Variants in SMG6 observed in about 807,000 individuals in gnomAD.
The protein encoded by SMG6 is telomerase-binding protein EST1A.
SMG6 carries 66 observed loss-of-function variants against 142.2 expected under a neutral mutation model. That is an observed-to-expected ratio of 0.46 (90% CI 0.38 to 0.57). SMG6 has a LOEUF of 0.57. Among genes scored for constraint, SMG6 ranks in the 20% least tolerant of loss-of-function variants. SMG6 has a pLI of 0.00. For synonymous variants in SMG6, 779 were observed against 702.4 expected, an observed-to-expected ratio of 1.11 and a Z score of -1.72; for missense variants, 1,793 against 1,832.0, an observed-to-expected ratio of 0.98 and a Z score of 0.39.
chr17:2,282,634 C>T lies in SMG6; in HGVS notation c.2661+13G>A. 1 of 1,613,236 alleles carries T rather than the reference C, an allele frequency of 6.2e-7. No homozygotes were observed. The highest frequency in any genetic ancestry group is 1.8e-4 in the Middle Eastern group (1 of 5,594). ...AGCTAGTTTGGCTCATTGCATCATT[C>T]TCAGGAACTTACATCACTGGGACTC... On this transcript the variant is annotated intron_variant, in intron 8 of 18. Coordinates refer to ENST00000263073, the MANE Select transcript of SMG6 (RefSeq NM_017575.5).
At position 2,291,486 on chromosome 17, in the gene SMG6, G is replaced by A. The variant is rs148154294; in HGVS notation, c.2337+1066C>T. On this transcript the variant is annotated intron_variant, in intron 6 of 18. Transcript: ENST00000263073. ...GAAAAAATAGTGCTGCAAAGAGGGC[G>A]GGAAAAAAAATCCCATAAACCCATC... is the stretch of plus-strand genomic sequence containing the variant. Among the ~76,000 whole-genome samples, 711 of 152,046 alleles carry A rather than the reference G, an allele frequency of 4.7e-3. 7 individuals carry two copies. Among genetic ancestry groups the A allele is most frequent in the African/African-American group, 0.016 (671 of 41,482 alleles).
In SMG6 at chr17:2,087,558, C is replaced by A. The variant is rs1183142832; in HGVS notation, c.3358-1657G>T. ...GTTGATGTAGAAGGTTCTCGGCTAC[C>A]CAGAAGGGCTTAGAAAAAGTTCAGC... On this transcript the variant is annotated intron_variant, in intron 13 of 18. Coordinates refer to ENST00000263073, the MANE Select transcript of SMG6 (RefSeq NM_017575.5). 3.0e-6 allele frequency: 3 copies of A among 1,010,152 alleles called. No individual in the cohort carries two copies. The African/African-American group carries it at 5.2e-5, about 17-fold the overall frequency. 62.6% of individuals were successfully genotyped at this position (1,010,152 alleles called of 1,614,324 possible). A position where few individuals can be genotyped will look rare whatever the true frequency, so the allele number is the denominator to read the frequency against.
intron 8 of SMG6, among the ~76,000 whole-genome samples, chr17:2,260,686 AT>A (rs1309883058): frequency 2.0e-5 from 3 of 152,144 alleles, no homozygotes; most frequent in African/African-American, 7.2e-5. Flanking sequence ...ATAGAAAAAA[AT>A]TTGAGTTTAG....
chr17:2,284,469 T>C lies in SMG6; in HGVS notation c.2338-734A>G, dbSNP rs150529764. ...AAAGAAGAAGTAAAGAAAAAGGAAG[T>C]GGGTCAGAAAGAAGGAAAAAGGAAA... is the stretch of plus-strand genomic sequence containing the variant. On this transcript the variant is annotated intron_variant, in intron 6 of 18. Transcript: ENST00000263073. Among the ~76,000 whole-genome samples, 1,456 of 152,302 alleles carry C rather than the reference T, an allele frequency of 9.6e-3. 20 individuals are homozygous for C. Among genetic ancestry groups the C allele is most frequent in the African/African-American group, 0.032 (1,350 of 41,566 alleles).
chr17:2,194,712 C>CA (rs768893563), intron 10 of SMG6, among the ~76,000 whole-genome samples: 2,863 of 139,374 alleles, frequency 0.021, 114 homozygotes, highest in African/African-American at 0.069. Flanking sequence ...CAAAACAAAA[C>CA]AAAAAAAAAA....
intron 12 of SMG6, among the ~76,000 whole-genome samples, chr17:2,185,499 AAAAAAG>A (rs941170260): frequency 7.2e-5 from 11 of 152,166 alleles, no homozygotes; most frequent in Non-Finnish European, 1.2e-4. Flanking sequence ...CCACAATTAA[AAAAAAG>A]AAAAAGAAAA....
At chr17:2,233,293 A>G (rs1212516089) in intron 10 of SMG6, 1 of 152,306 alleles carries the variant, frequency 6.6e-6, no homozygotes, top group Middle Eastern at 3.2e-3. Flanking sequence ...GAGTCCGGAA[A>G]CTGACATATG....
intron 13 of SMG6, among the ~76,000 whole-genome samples, chr17:2,102,730 G>T (rs2069045129): frequency 1.3e-5 from 2 of 151,900 alleles, no homozygotes; most frequent in Admixed American, 6.6e-5. Context: ...CTGTTCAACA[G>T]ATCTCAGAAA....
chr17:2,252,773 C>CTCCA (rs1364452733), intron 8 of SMG6, among the ~76,000 whole-genome samples: 3 of 152,174 alleles, frequency 2.0e-5, no homozygotes, highest in African/African-American at 7.2e-5. Flanking sequence ...TTTTAAAGGT[C>CTCCA]TCCAGGTCAC....
chr17:2,270,033 C>T (rs539695081), intron 8 of SMG6, among the ~76,000 whole-genome samples: 13 of 151,524 alleles, frequency 8.6e-5, no homozygotes, highest in Non-Finnish European at 1.6e-4. Flanking sequence ...TGTCTCAAAA[C>T]GAAAAAAACA....
chr17:2,217,111 C>T (rs1016928859), intron 10 of SMG6, among the ~76,000 whole-genome samples: 1 of 152,078 alleles, frequency 6.6e-6, no homozygotes, highest in African/African-American at 2.4e-5. Context: ...GACGTAGAAA[C>T]AGGTTTGGAA....
chr17:2,301,715 G>A (rs1357510407), intron 1 of SMG6, among the ~76,000 whole-genome samples: 1 of 152,118 alleles, frequency 6.6e-6, no homozygotes, highest in Middle Eastern at 3.2e-3. Context: ...GGTGGTGGGC[G>A]CCTGTAGTCC....
At chr17:2,065,356 G>A (rs2067910887) in intron 17 of SMG6, 112 bp downstream of exon 17, 1 of 1,135,834 alleles carries the variant, frequency 8.8e-7, no homozygotes, top group East Asian at 2.5e-5. Context: ...GGGCCTCCAT[G>A]GTGGCTGGCC....
At chr17:2,069,648 G>A (rs1372591563) in intron 15 of SMG6, among the ~76,000 whole-genome samples, 1 of 152,122 alleles carries the variant, frequency 6.6e-6, no homozygotes, top group East Asian at 1.9e-4. Context: ...GAACTCAAAG[G>A]CTATACAAAA....
In SMG6 at chr17:2,081,931, A is replaced by G. The variant is rs746235083; in HGVS notation, c.3560T>C (p.Phe1187Ser). Reference protein sequence around the residue: ...DEEEDVVIEDFEEDSEAEGSG... With the variant: ...DEEEDVVIEDSEEDSEAEGSG... ...GCCTTCAGCCTCTGAATCTTCCTCAAAGTCTTCAATCACCACATCCTCCTC... is the reference window on the plus strand; with the variant it reads ...GCCTTCAGCCTCTGAATCTTCCTCAGAGTCTTCAATCACCACATCCTCCTC... The change falls in exon 15 of 19, where the codon TTT (phenylalanine) becomes TCT (serine). Residue 1187 changes from phenylalanine (F) to serine (S), a missense_variant. Transcript: ENST00000263073. The G allele has an allele frequency of 3.7e-6, 6 of 1,613,928 alleles. No homozygotes were observed. In the African/African-American group the frequency reaches 8.0e-5, roughly 22 times the overall value.
intron 8 of SMG6, among the ~76,000 whole-genome samples, chr17:2,262,900 G>C (rs2151337166): frequency 6.6e-6 from 1 of 152,268 alleles, no homozygotes; most frequent in Middle Eastern, 3.4e-3. Flanking sequence ...GAGACTACTA[G>C]CTGGCCTCAG....
At chr17:2,289,765 T>C (rs1434050095) in intron 6 of SMG6, among the ~76,000 whole-genome samples, 2 of 151,338 alleles carry the variant, frequency 1.3e-5, no homozygotes, top group African/African-American at 4.9e-5. Context: ...ACAAAAAAAT[T>C]AGCAGGGGCT....
Position 2,186,738 on chromosome 17 carries a change from T to A in SMG6, c.3080A>T (p.Lys1027Ile). ...GCCGAGCATCCAATCTGACCAGACT[T>A]TGACACTGGGGAGCAGCTCCTTCAG... ...PDLKELLPSV[K>I]VWSDWMLGYP... Residue 1027 changes from lysine (K) to isoleucine (I), a missense_variant, in exon 12 of 19, where the codon AAA becomes ATA. Physicochemically the swap from Lys to Ile is moderately radical, Grantham distance 102. Coordinates refer to ENST00000263073, the MANE Select transcript of SMG6 (RefSeq NM_017575.5). The A allele has an allele frequency of 6.2e-7, 1 of 1,614,202 alleles. No homozygotes were observed. Among genetic ancestry groups the A allele is most frequent in the Non-Finnish European group, 8.5e-7 (1 of 1,180,038 alleles).
At chr17:2,187,337 T>TG (rs2072020892) in intron 11 of SMG6, among the ~76,000 whole-genome samples, 1 of 152,242 alleles carries the variant, frequency 6.6e-6, no homozygotes, top group Non-Finnish European at 1.5e-5. Context: ...CGTGTGCTCC[T>TG]GCACTGGATC....
Sources: allele counts gnomAD v4.1 joint callset (sites outside exome capture counted in the v4.1 genomes callset), GRCh38; gene constraint gnomAD v4.1.1; transcripts MANE v1.5; gene names NCBI Gene and HGNC (gene_info 2026-07-23, HGNC 2026-07-21).